MIB1: variants seen among roughly 807,000 people sequenced by gnomAD.
MIB1 encodes the protein E3 ubiquitin-protein ligase MIB1.
Under a neutral mutation model 124.5 loss-of-function variants are expected in MIB1, and 278 were observed. The ratio of observed to expected loss-of-function variants is 2.23; its 90% CI spans 2.02 to 2.47. MIB1 has a LOEUF of 2.47. Ranked by LOEUF, MIB1 falls within the 30% of genes most tolerant of loss-of-function variation. MIB1 has a pLI of 0.00. For synonymous variants in MIB1, 446 were observed against 429.4 expected (o/e 1.04, Z -0.48); for missense variants, 957 against 1,254.4 (o/e 0.76, Z 3.58).
intron 13 of MIB1, among the ~76,000 whole-genome samples, chr18:21,841,860 G>T (rs2042092354): frequency 6.6e-6 from 1 of 151,980 alleles, no homozygotes; most frequent in Non-Finnish European, 1.5e-5. Flanking sequence ...GCAAATTGTG[G>T]TGCACCTATG....
chr18:21,771,349 T>A (rs952176695), intron 3 of MIB1, among the ~76,000 whole-genome samples: 29 of 152,266 alleles, frequency 1.9e-4, no homozygotes, highest in African/African-American at 6.5e-4. Flanking sequence ...ATTTAAAATT[T>A]GTCTTTGTTT....
chr18:21,841,655 A>T (rs551925586), intron 13 of MIB1, among the ~76,000 whole-genome samples: 3 of 152,146 alleles, frequency 2.0e-5, no homozygotes, highest in South Asian at 4.1e-4. Flanking sequence ...TTTGAAAAAC[A>T]AATTGGTGGT....
At chr18:21,789,949 G>A (rs927718710) in intron 6 of MIB1, among the ~76,000 whole-genome samples, 1 of 152,252 alleles carries the variant, frequency 6.6e-6, no homozygotes, top group Non-Finnish European at 1.5e-5. Context: ...TGGAATTAGG[G>A]TAGGTGTTCT....
intron 20 of MIB1, among the ~76,000 whole-genome samples, chr18:21,863,787 C>T (rs1038118681): frequency 9.9e-5 from 15 of 152,042 alleles, no homozygotes; most frequent in East Asian, 1.9e-4. Context: ...GGGCAGATCA[C>T]GAGGTCAGAA....
Position 21,799,846 on chromosome 18 carries a change from C to G in MIB1, c.1243C>G (p.Leu415Val). The G allele has an allele frequency of 6.2e-7, 1 of 1,609,362 alleles. No homozygotes were observed. The highest frequency in any genetic ancestry group is 8.5e-7 in the Non-Finnish European group (1 of 1,177,032). Residue 415 changes from leucine (L) to valine (V), a missense_variant, in exon 9 of 21, where the codon CTC becomes GTC. By Grantham distance (32) the Leu-to-Val change is conservative (BLOSUM62 1). Transcript: ENST00000261537. ...SAISNASGER[L>V]SQLLKKLFET... ...CTTTATTTGATGCTTTACAGAAAGA[C>G]TCTCACAACTCCTGAAGAAATTATT...
At chr18:21,788,603 G>C (rs1241103853) in intron 6 of MIB1, among the ~76,000 whole-genome samples, 1 of 152,182 alleles carries the variant, frequency 6.6e-6, no homozygotes, top group Non-Finnish European at 1.5e-5. Context: ...CATTATACCA[G>C]AGGTTCTAGT....
intron 12 of MIB1, among the ~76,000 whole-genome samples, chr18:21,837,573 G>A (rs2042045569): frequency 6.6e-6 from 1 of 152,018 alleles, no homozygotes; most frequent in Admixed American, 6.6e-5. Flanking sequence ...TAATTTTAGA[G>A]GTTCTTCAAT....
chr18:21,730,585 C>T (rs908958441), intron 1 of MIB1, among the ~76,000 whole-genome samples: 6 of 152,064 alleles, frequency 3.9e-5, no homozygotes, highest in East Asian at 3.9e-4. Context: ...CCAACCATAC[C>T]GTGCTTTTGT....
intron 10 of MIB1, among the ~76,000 whole-genome samples, chr18:21,814,379 T>G (rs2041805984): frequency 1.3e-5 from 2 of 148,970 alleles, no homozygotes; most frequent in South Asian, 4.2e-4. Flanking sequence ...TTGGCATTCT[T>G]TTTTTTTTTT....
At chr18:21,739,940 AC>A (rs199736882), upstream of MIB1, among the ~76,000 whole-genome samples, 35 of 151,472 alleles carry the variant, frequency 2.3e-4, no homozygotes, top group African/African-American at 8.3e-4. Context: ...AAAAACAACA[AC>A]AAAAAAAACC....
intron 7 of MIB1, among the ~76,000 whole-genome samples, chr18:21,794,799 C>T (rs913023441): frequency 7.2e-5 from 11 of 152,088 alleles, no homozygotes; most frequent in Admixed American, 5.9e-4. Flanking sequence ...ACAGTGAGAT[C>T]GCATTTAAGA....
chr18:21,734,921 T>C (rs1357004507), intron 1 of MIB1, among the ~76,000 whole-genome samples: 1 of 152,242 alleles, frequency 6.6e-6, no homozygotes, highest in East Asian at 1.9e-4. Flanking sequence ...GGAGTTAATT[T>C]TGGTACACAA....
At chr18:21,799,779 G>C in intron 8 of MIB1, 62 bp from the exon 9 acceptor site, 1 of 1,485,140 alleles carries the variant, frequency 6.7e-7, no homozygotes, top group Non-Finnish European at 9.1e-7. Context: ...GGTAATACTT[G>C]TTTCTTAGTA....
intron 4 of MIB1, among the ~76,000 whole-genome samples, chr18:21,774,080 C>G (rs1389734602): frequency 6.6e-6 from 1 of 152,090 alleles, no homozygotes; most frequent in Non-Finnish European, 1.5e-5. Flanking sequence ...GTATTCTGTG[C>G]TCTGGTAGCT....
chr18:21,765,176 TAG>T (rs2041142505), intron 1 of MIB1, among the ~76,000 whole-genome samples: 2 of 152,334 alleles, frequency 1.3e-5, no homozygotes, highest in African/African-American at 4.8e-5. Context: ...TTATTTTTTC[TAG>T]AGCTTATTAT....
At chr18:21,842,146 T>C (rs961380719) in intron 13 of MIB1, among the ~76,000 whole-genome samples, 1 of 145,314 alleles carries the variant, frequency 6.9e-6, no homozygotes, top group African/African-American at 2.5e-5. Flanking sequence ...ATCAGGTACC[T>C]TCTGACCACA....
intron 18 of MIB1, among the ~76,000 whole-genome samples, chr18:21,855,154 A>G (rs1481997383): frequency 6.6e-6 from 1 of 152,204 alleles, no homozygotes; most frequent in Non-Finnish European, 1.5e-5. Context: ...CAATCCTAAG[A>G]AGTAGATGGT....
chr18:21,715,499 G>A (rs929902969), intron 1 of MIB1, among the ~76,000 whole-genome samples: 1 of 151,798 alleles, frequency 6.6e-6, no homozygotes, highest in Non-Finnish European at 1.5e-5. Context: ...ACCAGCAATG[G>A]CTCCAAACCA....
chr18:21,799,717 A>C (rs2041628358), intron 8 of MIB1, 124 bp from the exon 9 acceptor site: 1 of 991,550 alleles, frequency 1.0e-6, no homozygotes. Context: ...TGGGTAGAAA[A>C]ATAACATTAA....
Sources: gnomAD v4.1 joint callset for allele counts (sites outside exome capture counted in the v4.1 genomes callset) on GRCh38, gnomAD v4.1.1 for gene constraint, MANE v1.5 for transcripts, NCBI Gene and HGNC (gene_info 2026-07-23, HGNC 2026-07-21) for gene names.